Variants in CDIN1 observed in about 807,000 individuals in gnomAD.
The protein encoded by CDIN1 is CDAN1-interacting nuclease 1.
CDIN1 carries 33 observed loss-of-function variants against 45.3 expected under a neutral mutation model. The observed-to-expected ratio is 0.73, with a 90% CI of 0.55 to 0.97. CDIN1 has a LOEUF of 0.97. Among genes scored for constraint, CDIN1 ranks in the 50% least tolerant of loss-of-function variants. The pLI is 0.00. For synonymous variants in CDIN1, 118 were observed against 124.4 expected (o/e 0.95, Z 0.34); for missense variants, 303 against 339.4 (o/e 0.89, Z 0.84).
At chr15:36,644,453 A>T in intron 2 of CDIN1, 130 bp downstream of exon 2, 1 of 871,166 alleles carries the variant, frequency 1.1e-6, no homozygotes. Flanking sequence ...CACATCAAGC[A>T]CCGCCTGCGT....
rs570799461 is a variant in CDIN1 at position 36,810,217 on chromosome 15, G to C, written c.*1764G>C. The C allele has an allele frequency of 6.6e-6, 1 of 151,822 alleles. No homozygotes were observed. The highest frequency in any genetic ancestry group is 2.4e-5 in the African/African-American group (1 of 41,284). The allele number at this position is 151,822 out of a possible 1,614,324, so 9.4% of individuals were successfully genotyped here. A position where few individuals can be genotyped will look rare whatever the true frequency, so the allele number is the denominator to read the frequency against. On this transcript the variant is annotated 3_prime_UTR_variant, in exon 11 of 11. Coordinates refer to ENST00000566621, the MANE Select transcript of CDIN1 (RefSeq NM_001321759.2). ...ATTAAACAAATTTATTATGATGAAC[G>C]TGAACAAATAAATTAAAAAATAAAA...
intron 1 of CDIN1, among the ~76,000 whole-genome samples, chr15:36,595,512 A>G (rs1595718566): frequency 6.6e-6 from 1 of 152,120 alleles, no homozygotes; most frequent in African/African-American, 2.4e-5. Context: ...TGCTCATGTT[A>G]TAGTACCTGA....
At chr15:36,674,137 T>C (rs992918445) in intron 5 of CDIN1, among the ~76,000 whole-genome samples, 2 of 152,154 alleles carry the variant, frequency 1.3e-5, no homozygotes, top group African/African-American at 4.8e-5. Flanking sequence ...CTTGTGGTGT[T>C]GGAACCTGCA....
intron 2 of CDIN1, 26 bp from the exon 3 acceptor site, chr15:36,645,197 T>G: frequency 6.6e-7 from 1 of 1,525,776 alleles, no homozygotes; most frequent in Non-Finnish European, 8.9e-7. Context: ...AAAGATTTTT[T>G]TGTGTTGTTG....
At chr15:36,793,758 AAG>A (rs556593787) in intron 10 of CDIN1, among the ~76,000 whole-genome samples, 49 of 152,278 alleles carry the variant, frequency 3.2e-4, no homozygotes, top group African/African-American at 1.0e-3. Flanking sequence ...CGAGAAAACA[AAG>A]AGTTTGGGCA....
chr15:36,657,795 A>G (rs1331149367), intron 4 of CDIN1, 38 bp from the exon 5 acceptor site: 3 of 1,545,640 alleles, frequency 1.9e-6, no homozygotes, highest in Middle Eastern at 1.7e-4. Context: ...TGCTCGCACA[A>G]CTTGATAGTT....
chr15:36,788,102 ATATATTTTTTT>A (rs1403201429), intron 10 of CDIN1, among the ~76,000 whole-genome samples: 28 of 34,200 alleles, frequency 8.2e-4, no homozygotes, highest in Admixed American at 1.8e-3. Flanking sequence ...ATATATATAT[ATATATTTTTTT>A]TTTTTTTTTT....
At chr15:36,770,441 GATT>G (rs60700107) in intron 10 of CDIN1, among the ~76,000 whole-genome samples, 101 of 151,090 alleles carry the variant, frequency 6.7e-4, no homozygotes, top group African/African-American at 1.9e-3. Context: ...TGATGATGAT[GATT>G]ATTATTATTA....
chr15:36,643,531 G>C (rs571964682), intron 1 of CDIN1, among the ~76,000 whole-genome samples: 98 of 152,294 alleles, frequency 6.4e-4, no homozygotes, highest in Admixed American at 5.4e-3. Context: ...GAGTAGCAGT[G>C]GGGTATTGAT....
At chr15:36,675,925 G>A (rs1304946759) in intron 5 of CDIN1, among the ~76,000 whole-genome samples, 2 of 152,068 alleles carry the variant, frequency 1.3e-5, no homozygotes, top group Non-Finnish European at 2.9e-5. Context: ...CGTTGCATAG[G>A]TTGTTTGACA....
chr15:36,613,986 T>G, intron 1 of CDIN1: 1 of 1,523,834 alleles, frequency 6.6e-7, no homozygotes, highest in Non-Finnish European at 9.0e-7. Flanking sequence ...AGTGTCTGAG[T>G]GCTGCTGAAG....
intron 5 of CDIN1, among the ~76,000 whole-genome samples, chr15:36,690,308 G>C (rs979339970): frequency 6.7e-6 from 1 of 149,282 alleles, no homozygotes; most frequent in Non-Finnish European, 1.5e-5. Context: ...TCGCTCCGTT[G>C]CCCAGGCTGG....
intron 1 of CDIN1, among the ~76,000 whole-genome samples, chr15:36,622,344 C>T (rs1342286154): frequency 1.3e-5 from 2 of 152,016 alleles, no homozygotes; most frequent in Non-Finnish European, 2.9e-5. Flanking sequence ...CTTTAACTGG[C>T]ATAGAAGTGG....
chr15:36,664,225 A>G (rs1260609078), intron 5 of CDIN1, among the ~76,000 whole-genome samples: 3 of 152,184 alleles, frequency 2.0e-5, no homozygotes. Flanking sequence ...ACCACAGTTT[A>G]TAGAAGAGTT....
chr15:36,665,578 G>GTAGT (rs1368084435), intron 5 of CDIN1, among the ~76,000 whole-genome samples: 1 of 152,168 alleles, frequency 6.6e-6, no homozygotes, highest in Non-Finnish European at 1.5e-5. Context: ...TGGTGAAAGA[G>GTAGT]TAGTTAAGGA....
chr15:36,782,998 G>A (rs2054390611), intron 10 of CDIN1, among the ~76,000 whole-genome samples: 1 of 152,154 alleles, frequency 6.6e-6, no homozygotes, highest in Admixed American at 6.5e-5. Context: ...TTTGACAAGT[G>A]GAGATGAATT....
chr15:36,680,419 G>A (rs2041809008), intron 5 of CDIN1, among the ~76,000 whole-genome samples: 2 of 152,108 alleles, frequency 1.3e-5, no homozygotes, highest in South Asian at 2.1e-4. Flanking sequence ...TCAACAACAC[G>A]GCAGAGTGAG....
At chr15:36,668,766 T>A (rs1297572656) in intron 5 of CDIN1, among the ~76,000 whole-genome samples, 1 of 152,130 alleles carries the variant, frequency 6.6e-6, no homozygotes, top group Non-Finnish European at 1.5e-5. Context: ...GGAGTCCCAG[T>A]TTGATCCTAT....
intron 3 of CDIN1, 113 bp from the exon 4 acceptor site, chr15:36,653,985 G>C: frequency 1.4e-6 from 1 of 725,832 alleles, no homozygotes; most frequent in Non-Finnish European, 2.3e-6. Context: ...ACTTTAACTA[G>C]AGTTGAGCGT....
Sources: allele counts gnomAD v4.1 joint callset (sites outside exome capture counted in the v4.1 genomes callset), GRCh38; gene constraint gnomAD v4.1.1; transcripts MANE v1.5; gene names NCBI Gene and HGNC (gene_info 2026-07-23, HGNC 2026-07-21).